Variants in MYO3B observed in about 807,000 individuals in gnomAD.
MYO3B encodes myosin IIIB.
In MYO3B, 156 loss-of-function variants were observed where a neutral mutation model predicts 174.6. The observed-to-expected ratio is 0.89, with a 90% CI of 0.78 to 1.02. The LOEUF is 1.02. Ranked by LOEUF, MYO3B falls within the 50% of genes least tolerant of loss-of-function variation. The pLI is 0.00. For synonymous variants in MYO3B, 563 were observed against 569.1 expected (o/e 0.99, Z 0.15); for missense variants, 1,632 against 1,639.4 (o/e 1.00, Z 0.08).
chr2:170,572,901 T>C (rs1197649340), intron 32 of MYO3B, among the ~76,000 whole-genome samples: 1 of 152,182 alleles, frequency 6.6e-6, no homozygotes, highest in Non-Finnish European at 1.5e-5. Flanking sequence ...TGACTGTTTT[T>C]TCCCTAGTTA....
intron 22 of MYO3B, among the ~76,000 whole-genome samples, chr2:170,437,455 T>G (rs1434074890): frequency 3.3e-5 from 5 of 152,170 alleles, no homozygotes; most frequent in Non-Finnish European, 7.4e-5. Flanking sequence ...AAGACTCTCA[T>G]GTAGGAGCTG....
At chr2:170,602,634 A>G (rs559006108) in intron 32 of MYO3B, among the ~76,000 whole-genome samples, 2 of 152,266 alleles carry the variant, frequency 1.3e-5, no homozygotes, top group South Asian at 4.1e-4. Context: ...TTGGACTATT[A>G]TAATGTCCTT....
chr2:170,339,444 G>C (rs543128022), intron 8 of MYO3B, among the ~76,000 whole-genome samples: 3 of 152,094 alleles, frequency 2.0e-5, no homozygotes, highest in African/African-American at 7.2e-5. Context: ...AAAAGATTTC[G>C]TATTGACTGC....
chr2:170,390,294 G>A (rs1276562065), intron 14 of MYO3B, among the ~76,000 whole-genome samples: 1 of 152,146 alleles, frequency 6.6e-6, no homozygotes, highest in East Asian at 1.9e-4. Flanking sequence ...GGGGGATGGT[G>A]ATGTGTGCCT....
At chr2:170,225,139 C>T (rs1196610208) in intron 6 of MYO3B, among the ~76,000 whole-genome samples, 2 of 152,234 alleles carry the variant, frequency 1.3e-5, no homozygotes, top group East Asian at 1.9e-4. Context: ...TAGCGTTTAG[C>T]GAGTGCTTAC....
intron 7 of MYO3B, among the ~76,000 whole-genome samples, chr2:170,274,419 G>A (rs1378735650): frequency 1.3e-5 from 2 of 152,220 alleles, no homozygotes; most frequent in East Asian, 1.9e-4. Context: ...CAGTGCAACC[G>A]GGAAAGCTTT....
intron 26 of MYO3B, among the ~76,000 whole-genome samples, chr2:170,499,026 G>A (rs553920344): frequency 6.8e-4 from 104 of 152,318 alleles, no homozygotes; most frequent in African/African-American, 2.4e-3. Flanking sequence ...TAACGGCAGT[G>A]ATGAGTTTCT....
chr2:170,444,661 C>T (rs1389138915), intron 23 of MYO3B, among the ~76,000 whole-genome samples: 1 of 152,098 alleles, frequency 6.6e-6, no homozygotes, highest in Non-Finnish European at 1.5e-5. Context: ...AACAATTTGG[C>T]CACACGTTAA....
At chr2:170,649,373 T>TA (rs1698812294) in intron 32 of MYO3B, among the ~76,000 whole-genome samples, 6 of 63,904 alleles carry the variant, frequency 9.4e-5, no homozygotes, top group African/African-American at 3.9e-4. Flanking sequence ...TATATAAAAA[T>TA]ATAAATATAT....
intron 7 of MYO3B, among the ~76,000 whole-genome samples, chr2:170,286,810 C>T (rs1005273671): frequency 3.4e-4 from 51 of 151,868 alleles, no homozygotes; most frequent in African/African-American, 1.2e-3. Context: ...ATCATCTTTA[C>T]CATTTTTAAG....
chr2:170,216,622 C>CT (rs906984061), intron 5 of MYO3B, among the ~76,000 whole-genome samples: 1 of 152,142 alleles, frequency 6.6e-6, no homozygotes, highest in Non-Finnish European at 1.5e-5. Flanking sequence ...TAGTCATTTT[C>CT]TTTTTCCATT....
chr2:170,417,028 T>C (rs13004402), intron 22 of MYO3B, among the ~76,000 whole-genome samples: 144,387 of 152,060 alleles, frequency 0.95, 68,947 homozygotes, highest in East Asian at 1. Flanking sequence ...GGGGTTTCAC[T>C]GCGTTAGCCA....
chr2:170,636,082 T>C (rs761820670), intron 32 of MYO3B, among the ~76,000 whole-genome samples: 6 of 152,244 alleles, frequency 3.9e-5, no homozygotes, highest in South Asian at 2.1e-4. Flanking sequence ...TAATGCATTA[T>C]TGGATATGAG....
At chr2:170,483,888 C>G (rs1426717040) in intron 25 of MYO3B, among the ~76,000 whole-genome samples, 1 of 152,136 alleles carries the variant, frequency 6.6e-6, no homozygotes, top group African/African-American at 2.4e-5. Context: ...TCGATGTGGC[C>G]TTGGAATCCC....
intron 7 of MYO3B, among the ~76,000 whole-genome samples, chr2:170,256,521 C>G (rs1370855416): frequency 6.6e-6 from 1 of 152,152 alleles, no homozygotes; most frequent in Non-Finnish European, 1.5e-5. Flanking sequence ...CCAAGAATTT[C>G]ATATACCACC....
Position 170,573,313 on chromosome 2 carries a change from C to T in MYO3B, c.3733+29325C>T, listed in dbSNP as rs555365673. Among the ~76,000 whole-genome samples, 27 of 151,502 alleles carry T rather than the reference C, an allele frequency of 1.8e-4. 1 individual carries two copies. In the South Asian group the frequency reaches 5.4e-3, roughly 30 times the overall value. ...AGAATCAAACTGAATTATCTAATAA[C>T]TAGTAGGATGTAGCATGCTTGTGAA... On this transcript the variant is annotated intron_variant, in intron 32 of 34. Coordinates refer to ENST00000408978, the MANE Select transcript of MYO3B (RefSeq NM_138995.5).
chr2:170,453,466 GAGAA>G (rs1683727954), intron 23 of MYO3B, among the ~76,000 whole-genome samples: 1 of 145,998 alleles, frequency 6.8e-6, no homozygotes, highest in Non-Finnish European at 1.5e-5. Context: ...GAGAGAGAGA[GAGAA>G]AGAGAGAGCG....
intron 8 of MYO3B, among the ~76,000 whole-genome samples, chr2:170,345,408 G>A (rs967335615): frequency 3.9e-5 from 6 of 152,014 alleles, no homozygotes; most frequent in Non-Finnish European, 7.4e-5. Flanking sequence ...ATTTTAATTC[G>A]GAACTTTCTA....
intron 7 of MYO3B, among the ~76,000 whole-genome samples, chr2:170,277,893 G>A (rs1314560009): frequency 6.6e-6 from 1 of 152,090 alleles, no homozygotes; most frequent in Admixed American, 6.5e-5. Flanking sequence ...TATTTTAGAA[G>A]GACATTTTCT....
Sources: allele counts gnomAD v4.1 joint callset (sites outside exome capture counted in the v4.1 genomes callset), GRCh38; gene constraint gnomAD v4.1.1; transcripts MANE v1.5; gene names NCBI Gene and HGNC (gene_info 2026-07-23, HGNC 2026-07-21).